The following KCNK12 variants were observed in gnomAD, a reference collection of about 807,000 sequenced individuals.
KCNK12 encodes the protein potassium channel subfamily K member 12.
A neutral mutation model predicts 25.3 loss-of-function variants in KCNK12; 6 were observed. That is an observed-to-expected ratio of 0.24 (90% CI 0.13 to 0.47). The LOEUF is 0.47. Among genes scored for constraint, KCNK12 ranks in the 20% least tolerant of loss-of-function variants. The pLI is 0.99. For synonymous variants in KCNK12, 331 were observed against 311.1 expected, an observed-to-expected ratio of 1.06 and a Z score of -0.67; for missense variants, 444 against 661.7, an observed-to-expected ratio of 0.67 and a Z score of 3.61.
At position 47,547,235 on chromosome 2, in the gene KCNK12, G is replaced by A. The variant is rs1669333556; in HGVS notation, c.391+22706C>T. On this transcript the variant is annotated intron_variant, in intron 1 of 1. Transcript: ENST00000327876. This position sits in a 1 kb window ranked among gnomAD's most constrained non-coding sequence, Gnocchi z 5.0. ...AGATCTCTTCTTTTCTGGCTCCCAC[G>A]AACACGCCCTGGGACTCTGTGGTTC... is the stretch of plus-strand genomic sequence containing the variant. Among the ~76,000 whole-genome samples the A allele has an allele frequency of 6.6e-6, 1 of 152,128 alleles. No homozygotes were observed. The highest frequency in any genetic ancestry group is 6.5e-5 in the Admixed American group (1 of 15,272).
chr2:47,552,797 C>A (rs760503037), intron 1 of KCNK12, among the ~76,000 whole-genome samples: 1 of 150,092 alleles, frequency 6.7e-6, no homozygotes, highest in Non-Finnish European at 1.5e-5. Context: ...GGAAAGAAAT[C>A]CCCAGGCCCA....
In KCNK12 at chr2:47,519,264, C is replaced by T. The variant is rs753346150; in HGVS notation, c.*1643G>A. 3.3e-5 allele frequency: 5 copies of T among 152,232 alleles called. No individual in the cohort carries two copies. The highest frequency in any genetic ancestry group is 7.3e-5 in the Non-Finnish European group (5 of 68,048). The allele number at this position is 152,232 out of a possible 1,614,324, so 9.4% of individuals were successfully genotyped here. On this transcript the variant is annotated 3_prime_UTR_variant, in exon 2 of 2. Transcript: ENST00000327876. ...GAAGGGGAAAGAAGAGTTTGACATTCAAGTTTGACTCTAATGCTGGGTGCG... is the reference window on the plus strand; with the variant it reads ...GAAGGGGAAAGAAGAGTTTGACATTTAAGTTTGACTCTAATGCTGGGTGCG...
In KCNK12 at chr2:47,511,840, A is replaced by AT. The variant is rs1668409757; in HGVS notation, c.*9066dup. Among the ~76,000 whole-genome samples the AT allele has an allele frequency of 1.3e-5, 2 of 152,334 alleles. No homozygotes were observed. Among genetic ancestry groups the AT allele is most frequent in the East Asian group, 1.9e-4 (1 of 5,194 alleles). ...ATGTTCTATATCTGTGCTATCCAAT[A>AT]TGGTAGCCACAAGTTACATGTGGCT... On this transcript the variant is annotated 3_prime_UTR_variant, in exon 2 of 2. Coordinates refer to ENST00000327876, the MANE Select transcript of KCNK12 (RefSeq NM_022055.2). This position sits in a 1 kb window ranked among gnomAD's most constrained non-coding sequence, Gnocchi z 4.3.
At chr2:47,550,546 C>T (rs1244906772) in intron 1 of KCNK12, among the ~76,000 whole-genome samples, 1 of 151,816 alleles carries the variant, frequency 6.6e-6, no homozygotes, top group Admixed American at 6.6e-5. Flanking sequence ...CCATGCCCGG[C>T]TAATTTTTGT....
chr2:47,564,532 GAAAC>G (rs1343222360), intron 1 of KCNK12: 2 of 209,354 alleles, frequency 9.6e-6, no homozygotes, highest in Admixed American at 5.9e-5. Flanking sequence ...TGAAAACACA[GAAAC>G]AACATCAGTA....
In KCNK12 at chr2:47,516,073, A is replaced by G. The variant is rs1668517341; in HGVS notation, c.*4834T>C. Among the ~76,000 whole-genome samples, 1 of 152,226 alleles carries G rather than the reference A, an allele frequency of 6.6e-6. No individual in the cohort carries two copies. Among genetic ancestry groups the G allele is most frequent in the Non-Finnish European group, 1.5e-5 (1 of 68,036 alleles). ...CATCCCACTTTAGAGATGAGGAAAC[A>G]GGATCAGAGTGAGCTAAATGACTGC... On this transcript the variant is annotated 3_prime_UTR_variant, in exon 2 of 2. Transcript: ENST00000327876.
chr2:47,512,180 A>C lies in KCNK12; in HGVS notation c.*8727T>G, dbSNP rs1237088379. 16 of 1,216,440 alleles carry C rather than the reference A, an allele frequency of 1.3e-5. No homozygotes were observed. The highest frequency in any genetic ancestry group is 1.7e-5 in the Non-Finnish European group (15 of 887,542). The allele number at this position is 1,216,440 out of a possible 1,614,324, so 75.4% of individuals were successfully genotyped here. A position where few individuals can be genotyped will look rare whatever the true frequency, so the allele number is the denominator to read the frequency against. On this transcript the variant is annotated 3_prime_UTR_variant, in exon 2 of 2. Transcript: ENST00000327876. The stretch of plus-strand genomic sequence containing the variant: ...TCCTGCTCCTCCCAGTCCATGGAGA[A>C]AAAAGAATTGAACAAACTGTCTAAG...
chr2:47,543,377 C>T (rs1326098739), intron 1 of KCNK12: 2 of 151,920 alleles, frequency 1.3e-5, no homozygotes, highest in African/African-American at 4.8e-5. Context: ...CATTTCTTCA[C>T]AACCACCTAG....
At position 47,520,508 on chromosome 2, in the gene KCNK12, C is replaced by T. The variant is rs188531254; in HGVS notation, c.*399G>A. 36 of 163,922 alleles carry T rather than the reference C, an allele frequency of 2.2e-4. No homozygotes were observed. The highest frequency in any genetic ancestry group is 4.1e-4 in the Non-Finnish European group (31 of 76,214). The allele number at this position is 163,922 out of a possible 1,614,324, so 10.2% of individuals were successfully genotyped here. A position where few individuals can be genotyped will look rare whatever the true frequency, so the allele number is the denominator to read the frequency against. On this transcript the variant is annotated 3_prime_UTR_variant, in exon 2 of 2. Coordinates refer to ENST00000327876, the MANE Select transcript of KCNK12 (RefSeq NM_022055.2). This position sits in a 1 kb window ranked among gnomAD's most constrained non-coding sequence, Gnocchi z 5.0. ...CTAGGCTGGGCCAGGATTCTAAATG[C>T]TGAGGAGGTAATTCAGAGCCACGAA...
In KCNK12 at chr2:47,512,411, CA is replaced by C. The variant is rs1668426208; in HGVS notation, c.*8495del. ...TTGCAGTCGGCCAGAGAGACAGAACCAGGGCAGTGGTGAGCTCTCATGACCT... is the reference window on the plus strand; with the variant it reads ...TTGCAGTCGGCCAGAGAGACAGAACCGGGCAGTGGTGAGCTCTCATGACCT... On this transcript the variant is annotated 3_prime_UTR_variant, in exon 2 of 2. Coordinates refer to ENST00000327876, the MANE Select transcript of KCNK12 (RefSeq NM_022055.2). 6.2e-7 allele frequency: 1 copy of C among 1,610,598 alleles called. No individual in the cohort carries two copies. Among genetic ancestry groups the C allele is most frequent in the African/African-American group, 1.3e-5 (1 of 74,886 alleles).
At position 47,521,002 on chromosome 2, in the gene KCNK12, C is replaced by A; in HGVS notation, c.1198G>T (p.Val400Leu). The change falls in exon 2 of 2, where the codon GTG (valine) becomes TTG (leucine). Residue 400 changes from valine to leucine, a missense_variant. Val to Leu is a conservative substitution (Grantham distance 32, BLOSUM62 1). This residue lies in a region of KCNK12 where 57 missense variants were observed against 68.9 expected (regional missense o/e 0.83). Coordinates refer to ENST00000327876, the MANE Select transcript of KCNK12 (RefSeq NM_022055.2). ...CCGTTCTGGCGCGTGTTGACGCACA[C>A]GCTGCGCGGGTAGCCGTTGGCCGTC... The part of the protein sequence containing the change: ...SETANGYPRS[V>L]CVNTRQNGFS... 1 of 1,373,224 alleles carries A rather than the reference C, an allele frequency of 7.3e-7. No individual in the cohort carries two copies. Among genetic ancestry groups the A allele is most frequent in the Admixed American group, 3.0e-5 (1 of 33,304 alleles). 85.1% of individuals were successfully genotyped at this position (1,373,224 alleles called of 1,614,324 possible). A position where few individuals can be genotyped will look rare whatever the true frequency, so the allele number is the denominator to read the frequency against.
In KCNK12 at chr2:47,555,480, T is replaced by C. The variant is rs183395736; in HGVS notation, c.391+14461A>G. ...CAAACCTTACTAAAACCAAAGCTTA[T>C]TCTCCATTAGTTTCCCTCCTATATT... On this transcript the variant is annotated intron_variant, in intron 1 of 1. Transcript: ENST00000327876. This position sits in a 1 kb window ranked among gnomAD's most constrained non-coding sequence, Gnocchi z 4.5. Among the ~76,000 whole-genome samples, 92 of 152,340 alleles carry C rather than the reference T, an allele frequency of 6.0e-4. 1 individual carries two copies. Among genetic ancestry groups the C allele is most frequent in the African/African-American group, 1.9e-3 (81 of 41,578 alleles).
Position 47,532,165 on chromosome 2 carries a change from T to C in KCNK12, c.392-10357A>G, listed in dbSNP as rs78049903. On this transcript the variant is annotated intron_variant, in intron 1 of 1. Coordinates refer to ENST00000327876, the MANE Select transcript of KCNK12 (RefSeq NM_022055.2). ...ACAGCTTTAAACAAAACAGACAACA[T>C]TGACTATCCTGGAGCACACATTCTA... Among the ~76,000 whole-genome samples the C allele has an allele frequency of 1.3e-3, 194 of 151,994 alleles. 1 individual carries two copies. The highest frequency in any genetic ancestry group is 4.5e-3 in the African/African-American group (185 of 41,438).
At position 47,555,394 on chromosome 2, in the gene KCNK12, C is replaced by T. The variant is rs1669530677; in HGVS notation, c.391+14547G>A. Among the ~76,000 whole-genome samples the T allele has an allele frequency of 6.6e-6, 1 of 152,224 alleles. No individual in the cohort carries two copies. Among genetic ancestry groups the T allele is most frequent in the Non-Finnish European group, 1.5e-5 (1 of 68,042 alleles). The stretch of plus-strand genomic sequence containing the variant: ...AGGTGTCCTCCTTACCCTCTCTGTA[C>T]TCTTAATCACTGGGGACCCCACTGT... On this transcript the variant is annotated intron_variant, in intron 1 of 1. Coordinates refer to ENST00000327876, the MANE Select transcript of KCNK12 (RefSeq NM_022055.2). The surrounding 1 kb of genome is among the most constrained non-coding windows in gnomAD (Gnocchi z 4.5).
Position 47,512,518 on chromosome 2 carries a change from G to T in KCNK12, c.*8389C>A. The T allele has an allele frequency of 7.0e-7, 1 of 1,420,536 alleles. No individual in the cohort carries two copies. The highest frequency in any genetic ancestry group is 9.4e-7 in the Non-Finnish European group (1 of 1,059,254). The allele number at this position is 1,420,536 out of a possible 1,614,324, so 88.0% of individuals were successfully genotyped here. A position where few individuals can be genotyped will look rare whatever the true frequency, so the allele number is the denominator to read the frequency against. ...CTGTAAACATTTCCCTCAAAATGGA[G>T]CAGGAAGCTCTCAAAAATGGACCAG... On this transcript the variant is annotated 3_prime_UTR_variant, in exon 2 of 2. Coordinates refer to ENST00000327876, the MANE Select transcript of KCNK12 (RefSeq NM_022055.2).
rs1173705403 is a variant in KCNK12, at chr2:47,521,311, C to G, written c.889G>C (p.Val297Leu). Residue 297 changes from valine (V) to leucine (L), a missense_variant, in exon 2 of 2, where the codon GTC becomes CTC. By Grantham distance (32) the Val-to-Leu change is conservative. Around this residue, in one of 8 missense-constraint regions of KCNK12, gnomAD observed 56 missense variants for 135.7 expected, o/e 0.41. Transcript: ENST00000327876. ...ACCTGCTTGATGAGGATGGAGATGA[C>G]GTTGAAGAGCGAGTAAATGCAGCAC... ...GVCCIYSLFN[V>L]ISILIKQVLN... 6.2e-7 allele frequency: 1 copy of G among 1,613,140 alleles called. No homozygotes were observed. Among genetic ancestry groups the G allele is most frequent in the Non-Finnish European group, 8.5e-7 (1 of 1,179,770 alleles).
intron 1 of KCNK12, among the ~76,000 whole-genome samples, chr2:47,568,781 G>A (rs1669831947): frequency 6.6e-6 from 1 of 152,228 alleles, no homozygotes; most frequent in Non-Finnish European, 1.5e-5. Context: ...ACAGGAGAGA[G>A]TGCCTTAGGG....
chr2:47,526,752 A>C (rs1250931722), intron 1 of KCNK12, among the ~76,000 whole-genome samples: 7 of 151,924 alleles, frequency 4.6e-5, no homozygotes, highest in Admixed American at 4.6e-4. Flanking sequence ...CAAAAACCCC[A>C]AAACACAAAA....
In KCNK12 at chr2:47,550,135, G is replaced by A. The variant is rs550107233; in HGVS notation, c.391+19806C>T. 5.9e-5 allele frequency among the ~76,000 whole-genome samples: 9 copies of A among 152,206 alleles called. No individual in the cohort carries two copies. The East Asian group carries it at 1.5e-3, about 26-fold the overall frequency. Reference sequence around the variant, plus strand: ...AATGTAAATTAAGACTAACATATGTGCAGTTGGAGTTCAAAAAGAGAGGAT... The same window carrying A: ...AATGTAAATTAAGACTAACATATGTACAGTTGGAGTTCAAAAAGAGAGGAT... On this transcript the variant is annotated intron_variant, in intron 1 of 1. Coordinates refer to ENST00000327876, the MANE Select transcript of KCNK12 (RefSeq NM_022055.2).
Sources: gnomAD v4.1 joint callset for allele counts (sites outside exome capture counted in the v4.1 genomes callset) on GRCh38, gnomAD v4.1.1 for gene constraint, gnomAD v4.1.1 regional missense constraint, Gnocchi (gnomAD v3.1) non-coding constraint, MANE v1.5 for transcripts, NCBI Gene and HGNC (gene_info 2026-07-23, HGNC 2026-07-21) for gene names.